The following ROR2 variants were observed in gnomAD, a reference collection of about 807,000 sequenced individuals.
ROR2 encodes tyrosine-protein kinase transmembrane receptor ROR2.
In ROR2, 33 loss-of-function variants were observed where a neutral mutation model predicts 74.9. That is an observed-to-expected ratio of 0.44 (90% CI 0.33 to 0.59). The LOEUF is 0.59. Among genes scored for constraint, ROR2 ranks in the 20% least tolerant of loss-of-function variants. ROR2 has a pLI of 0.02. For missense variants in ROR2, 1,216 were observed against 1,313.8 expected (o/e 0.93, Z 1.15); for synonymous variants, 586 against 558.7 (o/e 1.05, Z -0.69).
intron 1 of ROR2, among the ~76,000 whole-genome samples, chr9:91,834,823 G>A (rs11794240): frequency 0.037 from 5,667 of 152,318 alleles, 158 homozygotes; most frequent in East Asian, 0.096. Context: ...AAAAGTTCCA[G>A]TGAGCTTTTG....
intron 4 of ROR2, among the ~76,000 whole-genome samples, chr9:91,741,322 A>G (rs937399598): frequency 4.7e-5 from 7 of 148,096 alleles, no homozygotes; most frequent in African/African-American, 1.7e-4. Context: ...AATAATAATA[A>G]TAATAATAAT....
At chr9:91,880,672 G>A (rs998208053) in intron 1 of ROR2, among the ~76,000 whole-genome samples, 5 of 152,216 alleles carry the variant, frequency 3.3e-5, no homozygotes, top group Non-Finnish European at 7.3e-5. Context: ...CACTGAAAAC[G>A]ATTTCTACAA....
At chr9:91,916,340 CCT>C (rs1414293786) in intron 1 of ROR2, among the ~76,000 whole-genome samples, 3 of 133,794 alleles carry the variant, frequency 2.2e-5, no homozygotes, top group Non-Finnish European at 4.8e-5. Context: ...GTGATGCTCC[CCT>C]GACTTTATAT....
At chr9:91,925,930 T>C (rs1831383197) in intron 1 of ROR2, among the ~76,000 whole-genome samples, 1 of 152,164 alleles carries the variant, frequency 6.6e-6, no homozygotes, top group African/African-American at 2.4e-5. Context: ...TTCTCCTGCA[T>C]GATTTGCGTG....
At chr9:91,862,050 ATGG>A (rs1270006202) in intron 1 of ROR2, among the ~76,000 whole-genome samples, 1 of 152,212 alleles carries the variant, frequency 6.6e-6, no homozygotes, top group African/African-American at 2.4e-5. Context: ...AAGGCCGGGC[ATGG>A]TGGCTCATGC....
At position 91,817,982 on chromosome 9, in the gene ROR2, A is replaced by G. The variant is rs771839842; in HGVS notation, c.98-42164T>C. 1.3e-4 allele frequency among the ~76,000 whole-genome samples: 20 copies of G among 152,322 alleles called. 1 individual carries two copies. The highest frequency in any genetic ancestry group is 6.8e-3 in the Middle Eastern group (2 of 294). Reference sequence around the variant, plus strand: ...GAGCCTCAACACGCTCTGGTCCGCAATGCAACTTACGAAGCATTTCCTTTT... The same window carrying G: ...GAGCCTCAACACGCTCTGGTCCGCAGTGCAACTTACGAAGCATTTCCTTTT... On this transcript the variant is annotated intron_variant, in intron 1 of 8. Coordinates refer to ENST00000375708, the MANE Select transcript of ROR2 (RefSeq NM_004560.4).
intron 1 of ROR2, among the ~76,000 whole-genome samples, chr9:91,776,425 G>A (rs1257701677): frequency 6.6e-6 from 1 of 152,140 alleles, no homozygotes; most frequent in East Asian, 1.9e-4. Flanking sequence ...TTCATAAAAT[G>A]TCCATGACCA....
At chr9:91,801,291 TC>T (rs2119056407) in intron 1 of ROR2, among the ~76,000 whole-genome samples, 1 of 152,340 alleles carries the variant, frequency 6.6e-6, no homozygotes, top group African/African-American at 2.4e-5. Flanking sequence ...GTGAAGGCTC[TC>T]GTGTCCATGA....
At chr9:91,941,112 C>T (rs1286022584) in intron 1 of ROR2, among the ~76,000 whole-genome samples, 2 of 151,486 alleles carry the variant, frequency 1.3e-5, no homozygotes, top group Non-Finnish European at 1.5e-5. Context: ...ATTCTCCTGC[C>T]TCAGCCTCCC....
At chr9:91,855,284 G>A (rs1264882668) in intron 1 of ROR2, among the ~76,000 whole-genome samples, 2 of 152,150 alleles carry the variant, frequency 1.3e-5, no homozygotes, top group Non-Finnish European at 2.9e-5. Flanking sequence ...AGAGCAGCAC[G>A]TGCCCAGAAA....
intron 1 of ROR2, among the ~76,000 whole-genome samples, chr9:91,846,068 A>G (rs1828920512): frequency 6.6e-6 from 1 of 152,062 alleles, no homozygotes; most frequent in Non-Finnish European, 1.5e-5. Flanking sequence ...TACCAACCCC[A>G]GGATGCCTCC....
chr9:91,882,259 A>G (rs112099538), intron 1 of ROR2, among the ~76,000 whole-genome samples: 4 of 152,092 alleles, frequency 2.6e-5, no homozygotes, highest in African/African-American at 9.6e-5. Context: ...AAAATACAAA[A>G]AATTACCCAG....
intron 1 of ROR2, among the ~76,000 whole-genome samples, chr9:91,780,031 C>T (rs898087621): frequency 3.9e-5 from 6 of 152,106 alleles, no homozygotes; most frequent in Admixed American, 3.3e-4. Flanking sequence ...GGATGATGCC[C>T]GGTTGCTGTT....
At chr9:91,804,630 G>C (rs745984463) in intron 1 of ROR2, among the ~76,000 whole-genome samples, 19 of 152,340 alleles carry the variant, frequency 1.2e-4, no homozygotes, top group Middle Eastern at 3.4e-3. Context: ...TCACTGTGCA[G>C]CTGCCTTGGG....
At chr9:91,913,513 T>C (rs1001175729) in intron 1 of ROR2, among the ~76,000 whole-genome samples, 2 of 152,176 alleles carry the variant, frequency 1.3e-5, no homozygotes, top group Non-Finnish European at 2.9e-5. Context: ...AACCCAAAAC[T>C]GCCCAGGTAG....
chr9:91,786,241 C>T (rs1826797589), intron 1 of ROR2, among the ~76,000 whole-genome samples: 1 of 147,938 alleles, frequency 6.8e-6, no homozygotes, highest in Non-Finnish European at 1.5e-5. Context: ...GTGAGAAGAT[C>T]GCTTGAGCCT....
intron 1 of ROR2, among the ~76,000 whole-genome samples, chr9:91,826,826 T>C (rs1296682908): frequency 1.3e-5 from 2 of 151,942 alleles, no homozygotes; most frequent in Non-Finnish European, 2.9e-5. Context: ...GAATGTGATC[T>C]TTTGTAAATG....
rs183671336 is a variant in ROR2 at position 91,733,024 on chromosome 9, A to G, written c.937+98T>C. Reference sequence around the variant, plus strand: ...AGGGGGTTCTGTGGGGCCTGGACAGATGGGGCTCCCTGGGCTTCACCGACA... The same window carrying G: ...AGGGGGTTCTGTGGGGCCTGGACAGGTGGGGCTCCCTGGGCTTCACCGACA... On this transcript the variant is annotated intron_variant, in intron 6 of 8. Coordinates refer to ENST00000375708, the MANE Select transcript of ROR2 (RefSeq NM_004560.4). The surrounding 1 kb of genome is among the most constrained non-coding windows in gnomAD (Gnocchi z 5.7). 6.4e-6 allele frequency: 8 copies of G among 1,240,336 alleles called. No homozygotes were observed. The highest frequency in any genetic ancestry group is 2.7e-4 in the Middle Eastern group (1 of 3,668). 76.8% of individuals were successfully genotyped at this position (1,240,336 alleles called of 1,614,324 possible).
chr9:91,846,695 A>G (rs1828945380), intron 1 of ROR2, among the ~76,000 whole-genome samples: 1 of 151,920 alleles, frequency 6.6e-6, no homozygotes, highest in Non-Finnish European at 1.5e-5. Context: ...TCTTGCCTGT[A>G]CCCTCAGCCC....
Sources: gnomAD v4.1 joint callset for allele counts (sites outside exome capture counted in the v4.1 genomes callset) on GRCh38, gnomAD v4.1.1 for gene constraint, Gnocchi (gnomAD v3.1) non-coding constraint, MANE v1.5 for transcripts, NCBI Gene and HGNC (gene_info 2026-07-23, HGNC 2026-07-21) for gene names.